Variants in SPATA3 observed in about 807,000 individuals in gnomAD.
The protein encoded by SPATA3 is spermatogenesis associated 3.
SPATA3 carries 6 observed loss-of-function variants against 5.7 expected under a neutral mutation model. That is an observed-to-expected ratio of 1.06 (90% CI 0.58 to 2.09). The LOEUF is 2.09. SPATA3 is among the 30% of genes most tolerant of loss of function. SPATA3 has a pLI of 0.00. For missense variants in SPATA3, 155 were observed against 130.4 expected, an observed-to-expected ratio of 1.19 and a Z score of -0.92; for synonymous variants, 44 against 48.4, an observed-to-expected ratio of 0.91 and a Z score of 0.37.
intron 6 of SPATA3, among the ~76,000 whole-genome samples, chr2:231,016,352 C>T (rs1465214688): frequency 6.6e-6 from 1 of 152,032 alleles, no homozygotes; most frequent in Non-Finnish European, 1.5e-5. Flanking sequence ...GTCTATGCCC[C>T]ACCACCCACA....
intron 1 of SPATA3, 98 bp from the exon 2 acceptor site, chr2:231,000,268 G>A: frequency 7.0e-6 from 8 of 1,135,872 alleles, no homozygotes; most frequent in Non-Finnish European, 9.5e-6. Flanking sequence ...TGCAGCTGCT[G>A]CCGTTGTGGG....
intron 1 of SPATA3, among the ~76,000 whole-genome samples, chr2:230,998,338 A>G (rs1382961917): frequency 6.6e-6 from 1 of 152,208 alleles, no homozygotes; most frequent in Non-Finnish European, 1.5e-5. Flanking sequence ...TGTTGTAAAG[A>G]TTGTGATCAT....
downstream of SPATA3, among the ~76,000 whole-genome samples, chr2:231,008,231 AGGT>A (rs1374317467): frequency 6.6e-6 from 1 of 152,058 alleles, no homozygotes; most frequent in Non-Finnish European, 1.5e-5. Flanking sequence ...GCGAGGAGGG[AGGT>A]GGTTAATTCC....
At chr2:231,002,577 G>T (rs898890281) in intron 2 of SPATA3, 107 bp from the exon 3 acceptor site, 10 of 585,224 alleles carry the variant, frequency 1.7e-5, no homozygotes, top group Admixed American at 3.6e-5. Flanking sequence ...GGGAAGATGG[G>T]TATTCCTGCA....
At chr2:231,002,728 C>T (rs1351488042) in exon 3 of SPATA3, 7 of 1,534,582 alleles carry the variant, frequency 4.6e-6, no homozygotes, top group Non-Finnish European at 5.3e-6. Flanking sequence ...GCGTGTCCTC[C>T]AAGCCCTCGG....
chr2:231,010,660 A>G (rs965799182), downstream of SPATA3, among the ~76,000 whole-genome samples: 1 of 152,134 alleles, frequency 6.6e-6, no homozygotes, highest in South Asian at 2.1e-4. Context: ...GGAGAAGATC[A>G]CAGAAAACTT....
downstream of SPATA3, among the ~76,000 whole-genome samples, chr2:231,003,375 C>T (rs532220627): frequency 2.0e-5 from 3 of 152,188 alleles, no homozygotes; most frequent in African/African-American, 7.2e-5. Context: ...GCCATCTTCC[C>T]TCATCCCTGG....
downstream of SPATA3, among the ~76,000 whole-genome samples, chr2:231,010,683 C>T (rs114172263): frequency 1.4e-3 from 207 of 152,092 alleles, 1 homozygote; most frequent in Non-Finnish European, 2.4e-3. Flanking sequence ...CCTTCTGAGG[C>T]CTTCATTTTG....
exon 3 of SPATA3, chr2:231,002,786 C>T (rs1284678320): frequency 5.3e-6 from 8 of 1,500,302 alleles, no homozygotes; most frequent in East Asian, 2.6e-5. Context: ...TACTACATCA[C>T]TGAATCCTTG....
intron 6 of SPATA3, among the ~76,000 whole-genome samples, chr2:231,016,487 T>C (rs564201378): frequency 7.2e-5 from 9 of 125,306 alleles, no homozygotes; most frequent in African/African-American, 2.9e-4. Context: ...CTGGTCAACA[T>C]GGTGAAACCC....
chr2:231,010,745 C>T (rs557956942), downstream of SPATA3, among the ~76,000 whole-genome samples: 184 of 152,060 alleles, frequency 1.2e-3, 4 homozygotes, highest in South Asian at 0.037. Context: ...CCAGGCTGAG[C>T]TCAGACCCTG....
chr2:231,009,721 A>G (rs967469022), downstream of SPATA3, among the ~76,000 whole-genome samples: 9 of 152,172 alleles, frequency 5.9e-5, 1 homozygote, highest in Admixed American at 2.6e-4. Flanking sequence ...AGTTCTGTTG[A>G]CACATCCGCT....
intron 1 of SPATA3, chr2:230,996,433 C>CA (rs1692124202): frequency 1.3e-6 from 2 of 1,552,408 alleles, no homozygotes; most frequent in Admixed American, 3.9e-5. Flanking sequence ...TCCCGGCAGC[C>CA]AGCATTCCAA....
At chr2:231,005,514 C>T (rs1405762906), downstream of SPATA3, among the ~76,000 whole-genome samples, 7 of 32,888 alleles carry the variant, frequency 2.1e-4, no homozygotes, top group East Asian at 8.1e-4. Context: ...ACCACCACCA[C>T]CATCACCACC....
chr2:231,012,068 G>C (rs1446353203), downstream of SPATA3, among the ~76,000 whole-genome samples: 4 of 152,242 alleles, frequency 2.6e-5, no homozygotes, highest in Non-Finnish European at 4.4e-5. Context: ...GGACAGAGGA[G>C]CTGGAGGTGC....
intron 2 of SPATA3, among the ~76,000 whole-genome samples, chr2:231,001,351 CT>C (rs1277918600): frequency 1.3e-5 from 2 of 152,128 alleles, no homozygotes; most frequent in Non-Finnish European, 2.9e-5. Flanking sequence ...GGAAGAGGCC[CT>C]TCCACTTGGC....
At chr2:231,018,260 C>T (rs1692981658) in intron 6 of SPATA3, among the ~76,000 whole-genome samples, 1 of 152,132 alleles carries the variant, frequency 6.6e-6, no homozygotes, top group Admixed American at 6.5e-5. Flanking sequence ...GCCATCTGAA[C>T]TCATATTGCA....
At chr2:231,007,970 G>A (rs1008324678), downstream of SPATA3, among the ~76,000 whole-genome samples, 13 of 152,042 alleles carry the variant, frequency 8.6e-5, no homozygotes, top group African/African-American at 1.2e-4. Context: ...TGATTGCACC[G>A]CTGCACTCCA....
chr2:231,005,013 T>TCAC (rs1692494135), downstream of SPATA3, among the ~76,000 whole-genome samples: 2 of 119,218 alleles, frequency 1.7e-5, no homozygotes, highest in African/African-American at 6.6e-5. Context: ...ATCACCACCA[T>TCAC]CATCACCATC....
Sources: allele counts gnomAD v4.1 joint callset (sites outside exome capture counted in the v4.1 genomes callset), GRCh38; gene constraint gnomAD v4.1.1; transcripts MANE v1.5; gene names NCBI Gene and HGNC (gene_info 2026-07-23, HGNC 2026-07-21).